LYST: variants seen among roughly 807,000 people sequenced by gnomAD.
LYST encodes lysosomal trafficking regulator, also known as lysosomal-trafficking regulator.
A neutral mutation model predicts 413.6 loss-of-function variants in LYST; 192 were observed. The observed-to-expected ratio is 0.46, with a 90% confidence interval of 0.41 to 0.52. The LOEUF (loss-of-function observed/expected upper bound fraction) is 0.52. Ranked by LOEUF, LYST falls within the 20% of genes least tolerant of loss-of-function variation. LYST has a pLI of 0.00. For synonymous variants in LYST, 1,525 were observed against 1,567.3 expected (o/e 0.97, Z 0.64); for missense variants, 3,815 against 4,499.9 (o/e 0.85, Z 4.35).
intron 26 of LYST, 87 bp from the exon 27 acceptor site, chr1:235,752,258 T>A (rs1023828192): frequency 2.1e-5 from 21 of 1,014,918 alleles, no homozygotes; most frequent in Non-Finnish European, 3.0e-5. Context: ...TTTAAATGGT[T>A]TAAATTCCTG....
chr1:235,732,165 T>C (rs561590384), intron 34 of LYST, among the ~76,000 whole-genome samples: 79 of 152,326 alleles, frequency 5.2e-4, no homozygotes, highest in African/African-American at 1.9e-3. Flanking sequence ...GTATTATCTT[T>C]ATCTCATCAT....
chr1:235,702,655 A>C lies in LYST; in HGVS notation c.10374+92T>G, dbSNP rs1661638391. 3.7e-6 allele frequency: 4 copies of C among 1,068,486 alleles called. No individual in the cohort carries two copies. In the Admixed American group the frequency reaches 7.1e-5, roughly 19 times the overall value. The allele number at this position is 1,068,486 out of a possible 1,614,324, so 66.2% of individuals were successfully genotyped here. A position where few individuals can be genotyped will look rare whatever the true frequency, so the allele number is the denominator to read the frequency against. ...ACTGACTGGCACACAGCTTTAGGCC[A>C]GGACCATGCTATTCATCACCTGGGA... is the stretch of plus-strand genomic sequence containing the variant. On this transcript the variant is annotated intron_variant, in intron 45 of 52. Coordinates refer to ENST00000389793, the MANE Select transcript of LYST (RefSeq NM_000081.4).
intron 1 of LYST, among the ~76,000 whole-genome samples, chr1:235,860,018 C>G (rs566962289): frequency 6.6e-6 from 1 of 152,248 alleles, no homozygotes; most frequent in South Asian, 2.1e-4. Context: ...TTACAAATCA[C>G]TAAGCACTTG....
At chr1:235,663,961 A>G (rs1658231479) in intron 52 of LYST, 23 bp downstream of exon 52, 4 of 1,542,664 alleles carry the variant, frequency 2.6e-6, no homozygotes, top group Admixed American at 3.3e-5. Context: ...ATTCTGAAGC[A>G]TAAGAGGGGG....
At chr1:235,705,315 C>A (rs921948802) in intron 44 of LYST, among the ~76,000 whole-genome samples, 2 of 151,910 alleles carry the variant, frequency 1.3e-5, no homozygotes, top group African/African-American at 4.8e-5. Context: ...TTACTAAAGT[C>A]CCAAAGAATT....
chr1:235,768,129 T>C (rs908643418), intron 20 of LYST, among the ~76,000 whole-genome samples: 1 of 152,136 alleles, frequency 6.6e-6, no homozygotes, highest in Non-Finnish European at 1.5e-5. Flanking sequence ...CTATTACCAG[T>C]TCACTGTTGC....
At chr1:235,735,214 A>C (rs1188000686) in intron 31 of LYST, 1 of 152,164 alleles carries the variant, frequency 6.6e-6, no homozygotes, top group East Asian at 1.9e-4. Flanking sequence ...CTCACAGAAA[A>C]ACTGAACTAG....
At chr1:235,762,668 A>T (rs1667709766) in intron 22 of LYST, 52 bp downstream of exon 22, 1 of 1,554,080 alleles carries the variant, frequency 6.4e-7, no homozygotes, top group Admixed American at 1.7e-5. Context: ...ATTATCTAAG[A>T]ATATTCAGAA....
At chr1:235,797,495 A>C (rs1429208507) in intron 10 of LYST, among the ~76,000 whole-genome samples, 1 of 152,118 alleles carries the variant, frequency 6.6e-6, no homozygotes, top group Admixed American at 6.6e-5. Flanking sequence ...CTTTTGACAA[A>C]GGTGCCAAAA....
chr1:235,730,776 A>G (rs1410763723), intron 36 of LYST, 71 bp downstream of exon 36: 6 of 1,026,276 alleles, frequency 5.8e-6, no homozygotes, highest in African/African-American at 4.7e-5. Context: ...TATAAAATAA[A>G]TATTACATAA....
intron 39 of LYST, among the ~76,000 whole-genome samples, chr1:235,723,290 G>A (rs1663555799): frequency 6.6e-6 from 1 of 152,196 alleles, no homozygotes; most frequent in Non-Finnish European, 1.5e-5. Context: ...GTTACAATAT[G>A]TGAGTGTGGC....
chr1:235,807,050 T>G (rs1672921789), intron 5 of LYST, among the ~76,000 whole-genome samples: 1 of 152,172 alleles, frequency 6.6e-6, no homozygotes, highest in Admixed American at 6.5e-5. Flanking sequence ...ATGAAGCAAT[T>G]CAGGGAAGAA....
At chr1:235,771,477 C>A (rs1668662324) in intron 19 of LYST, among the ~76,000 whole-genome samples, 1 of 152,150 alleles carries the variant, frequency 6.6e-6, no homozygotes, top group African/African-American at 2.4e-5. Flanking sequence ...TTCCAACCTG[C>A]AACTGAGCAT....
chr1:235,730,665 C>T (rs1482195165), intron 36 of LYST, among the ~76,000 whole-genome samples, 182 bp downstream of exon 36: 2 of 151,350 alleles, frequency 1.3e-5, no homozygotes, highest in Non-Finnish European at 2.9e-5. Flanking sequence ...CCCATGAACT[C>T]TTGCTGTCAG....
At position 235,713,086 on chromosome 1, in the gene LYST, T is replaced by C. The variant is rs189280618; in HGVS notation, c.9785-889A>G. The C allele has an allele frequency of 8.1e-6, 8 of 985,430 alleles. No homozygotes were observed. The South Asian group carries it at 1.4e-4, about 17-fold the overall frequency. 61.0% of individuals were successfully genotyped at this position (985,430 alleles called of 1,614,324 possible). A position where few individuals can be genotyped will look rare whatever the true frequency, so the allele number is the denominator to read the frequency against. ...ATCAGGTTTCTTCTCCCAGCCTTAGTTGCTCTGCTGAGCAACATCTTCTGT... is the reference window on the plus strand; with the variant it reads ...ATCAGGTTTCTTCTCCCAGCCTTAGCTGCTCTGCTGAGCAACATCTTCTGT... On this transcript the variant is annotated intron_variant, in intron 42 of 52. Transcript: ENST00000389793.
chr1:235,728,187 ATGGT>A, intron 37 of LYST, 56 bp from the exon 38 acceptor site: 1 of 1,223,688 alleles, frequency 8.2e-7, no homozygotes, highest in Non-Finnish European at 1.2e-6. Flanking sequence ...ACTACCATTC[ATGGT>A]TTAATGCATG....
intron 45 of LYST, among the ~76,000 whole-genome samples, chr1:235,702,264 C>G (rs1403868398): frequency 6.6e-6 from 1 of 152,186 alleles, no homozygotes; most frequent in Non-Finnish European, 1.5e-5. Flanking sequence ...TACTTCTTAT[C>G]ATTACAACCT....
At chr1:235,724,930 C>T (rs746728779) in intron 38 of LYST, among the ~76,000 whole-genome samples, 6 of 152,174 alleles carry the variant, frequency 3.9e-5, no homozygotes, top group Non-Finnish European at 7.3e-5. Context: ...ACTCTGGTTG[C>T]TCTGTTGTAT....
chr1:235,827,978 C>A (rs1675523108), intron 3 of LYST: 1 of 389,610 alleles, frequency 2.6e-6, no homozygotes, highest in African/African-American at 2.2e-5. Flanking sequence ...AAGAGATGTT[C>A]ATAAAAGAAG....
Sources: gnomAD v4.1 joint callset for allele counts (sites outside exome capture counted in the v4.1 genomes callset) on GRCh38, gnomAD v4.1.1 for gene constraint, MANE v1.5 for transcripts, NCBI Gene and HGNC (gene_info 2026-07-23, HGNC 2026-07-21) for gene names.